ZBTB49: variants seen among roughly 807,000 people sequenced by gnomAD.
The protein encoded by ZBTB49 is zinc finger and BTB domain-containing protein 49.
ZBTB49 carries 43 observed loss-of-function variants against 57.5 expected under a neutral mutation model. The ratio of observed to expected loss-of-function variants is 0.75; its 90% CI spans 0.59 to 0.97. The LOEUF (loss-of-function observed/expected upper bound fraction) is 0.97, where lower values mean the gene tolerates loss of function less well. Among genes scored for constraint, ZBTB49 ranks in the 50% least tolerant of loss-of-function variants. The pLI is 0.00. For synonymous variants in ZBTB49, 369 were observed against 362.1 expected (o/e 1.02, Z -0.22); for missense variants, 938 against 947.7 (o/e 0.99, Z 0.13).
At chr4:4,299,023 G>A (rs1720348617) in intron 1 of ZBTB49, among the ~76,000 whole-genome samples, 1 of 152,214 alleles carries the variant, frequency 6.6e-6, no homozygotes, top group Non-Finnish European at 1.5e-5. Context: ...GGAGAACAGA[G>A]GCTGAAGGTT....
chr4:4,314,334 C>A (rs1228981598), intron 5 of ZBTB49, among the ~76,000 whole-genome samples: 1 of 152,228 alleles, frequency 6.6e-6, no homozygotes, highest in Non-Finnish European at 1.5e-5. Flanking sequence ...TCTGAACTTT[C>A]TGAATTCCAT....
intron 5 of ZBTB49, among the ~76,000 whole-genome samples, chr4:4,315,204 C>T (rs1413132426): frequency 2.0e-5 from 3 of 152,350 alleles, no homozygotes; most frequent in East Asian, 3.9e-4. Flanking sequence ...AGGTCATCCT[C>T]CTTGGGTTGG....
Position 4,294,597 on chromosome 4 carries a change from C to T in ZBTB49, c.-20+4245C>T, listed in dbSNP as rs558763742. Among the ~76,000 whole-genome samples, 16 of 152,200 alleles carry T rather than the reference C, an allele frequency of 1.1e-4. 1 individual carries two copies. In the South Asian group the frequency reaches 2.1e-3, roughly 20 times the overall value. On this transcript the variant is annotated intron_variant, in intron 1 of 7. Transcript: ENST00000337872. ...CTCGAACTCGTAGCCTTAGGTGATC[C>T]GCCTGCCTCGGCCTCCCAAAGTGGT... is the stretch of plus-strand genomic sequence containing the variant.
Position 4,320,689 on chromosome 4 carries a change from C to A in ZBTB49, c.1671C>A (p.His557Gln), listed in dbSNP as rs1277498221. Residue 557 changes from histidine (H) to glutamine (Q), a missense_variant, in exon 8 of 8, where the codon CAC (histidine) becomes CAA (glutamine). This residue lies in a region of ZBTB49 where 835 missense variants were observed against 819.1 expected (regional missense o/e 1.02). Transcript: ENST00000337872. ...SGDLRRHVRTHTGEKPYTCEI... is the reference protein window; with the variant it reads ...SGDLRRHVRTQTGEKPYTCEI... ...ACCTCCGCAGGCATGTCCGCACTCA[C>A]ACTGGGGAGAAGCCGTACACATGTG... is the stretch of plus-strand genomic sequence containing the variant. 6.2e-7 allele frequency: 1 copy of A among 1,614,212 alleles called. No individual in the cohort carries two copies. The highest frequency in any genetic ancestry group is 8.5e-7 in the Non-Finnish European group (1 of 1,180,038).
At position 4,302,975 on chromosome 4, in the gene ZBTB49, C is replaced by T; in HGVS notation, c.1139C>T (p.Ala380Val). The change falls in exon 3 of 8, where the codon GCT (alanine) becomes GTT (valine). Residue 380 changes from alanine (A) to valine (V), a missense_variant. Ala to Val is a moderately conservative substitution (Grantham distance 64, BLOSUM62 0). Around this residue, in one of 3 missense-constraint regions of ZBTB49, gnomAD observed 835 missense variants for 819.1 expected, o/e 1.02. Transcript: ENST00000337872. ...ISETERPEDP[A>V]ALEDQSQTLQ... ...GAGACGGAGAGGCCTGAAGACCCGG[C>T]TGCCCTGGAAGACCAGTCCCAGACA... 1.2e-6 allele frequency: 2 copies of T among 1,614,230 alleles called. No individual in the cohort carries two copies. The highest frequency in any genetic ancestry group is 1.7e-6 in the Non-Finnish European group (2 of 1,180,040).
intron 1 of ZBTB49, among the ~76,000 whole-genome samples, chr4:4,292,275 C>T (rs973037656): frequency 3.3e-5 from 5 of 152,084 alleles, no homozygotes; most frequent in Admixed American, 6.6e-5. Flanking sequence ...AGCAAGACTG[C>T]GTCTCGGAAA....
chr4:4,319,827 G>A (rs1721334954), intron 7 of ZBTB49, among the ~76,000 whole-genome samples: 1 of 147,452 alleles, frequency 6.8e-6, no homozygotes, highest in Non-Finnish European at 1.5e-5. Context: ...GGAGGCTGAG[G>A]TGGGCAGATC....
intron 4 of ZBTB49, among the ~76,000 whole-genome samples, chr4:4,307,353 A>T (rs1042363901): frequency 6.6e-6 from 1 of 152,198 alleles, no homozygotes; most frequent in African/African-American, 2.4e-5. Flanking sequence ...TCTTCCTGCC[A>T]GCCTGGCCTG....
Position 4,321,466 on chromosome 4 carries a change from C to A in ZBTB49, c.*150C>A. ...CCTGATGATGGCTCATAATCTGAAG[C>A]ATCTTGAGCTGGGGGTGTGAGGGGG... is the stretch of plus-strand genomic sequence containing the variant. On this transcript the variant is annotated 3_prime_UTR_variant, in exon 8 of 8. Transcript: ENST00000337872. 1 of 870,844 alleles carries A rather than the reference C, an allele frequency of 1.1e-6. No individual in the cohort carries two copies. Among genetic ancestry groups the A allele is most frequent in the Non-Finnish European group, 1.7e-6 (1 of 579,052 alleles). 53.9% of individuals were successfully genotyped at this position (870,844 alleles called of 1,614,324 possible).
chr4:4,309,498 G>A (rs1390302439), intron 4 of ZBTB49, among the ~76,000 whole-genome samples: 1 of 152,228 alleles, frequency 6.6e-6, no homozygotes, highest in Non-Finnish European at 1.5e-5. Flanking sequence ...AGAAAATGCG[G>A]CGTAATTACC....
intron 4 of ZBTB49, 112 bp from the exon 5 acceptor site, chr4:4,312,928 TG>T: frequency 8.4e-7 from 1 of 1,192,092 alleles, no homozygotes. Flanking sequence ...CATCTTCATC[TG>T]GAATTTGAAT....
intron 1 of ZBTB49, among the ~76,000 whole-genome samples, chr4:4,298,175 G>A (rs1023195210): frequency 6.6e-6 from 1 of 152,192 alleles, no homozygotes; most frequent in Non-Finnish European, 1.5e-5. Flanking sequence ...AAGTCATATA[G>A]CCAGTGAGTG....
chr4:4,319,829 G>A (rs1239257974), intron 7 of ZBTB49, among the ~76,000 whole-genome samples: 1 of 147,678 alleles, frequency 6.8e-6, no homozygotes, highest in African/African-American at 2.5e-5. Flanking sequence ...AGGCTGAGGT[G>A]GGCAGATCAC....
chr4:4,319,551 T>C (rs1439246358), intron 7 of ZBTB49, among the ~76,000 whole-genome samples: 1 of 152,256 alleles, frequency 6.6e-6, no homozygotes, highest in Non-Finnish European at 1.5e-5. Flanking sequence ...CCAGGCGCCA[T>C]GGCTCATGCC....
intron 1 of ZBTB49, among the ~76,000 whole-genome samples, chr4:4,293,390 A>T (rs1406469721): frequency 2.0e-5 from 3 of 152,258 alleles, no homozygotes; most frequent in African/African-American, 7.2e-5. Flanking sequence ...AATCAGGCAT[A>T]GGCAGTAGAC....
chr4:4,303,760 C>CTCTCTCTCTCTCTGTGTGTG lies in ZBTB49; in HGVS notation c.1255+670_1255+671insCTCTCTCTCTCTGTGTGTGT, dbSNP rs1223289249. 3.0e-3 allele frequency among the ~76,000 whole-genome samples: 363 copies of CTCTCTCTCTCTCTGTGTGTG among 121,372 alleles called. 2 individuals carry two copies. Among genetic ancestry groups the CTCTCTCTCTCTCTGTGTGTG allele is most frequent in the Non-Finnish European group, 4.8e-3 (285 of 58,814 alleles). The allele number at this position is 121,372 out of a possible 152,430, so 79.6% of individuals were successfully genotyped here. A position where few individuals can be genotyped will look rare whatever the true frequency, so the allele number is the denominator to read the frequency against. On this transcript the variant is annotated intron_variant, in intron 3 of 7. Coordinates refer to ENST00000337872, the MANE Select transcript of ZBTB49 (RefSeq NM_145291.4). Reference sequence around the variant, plus strand: ...TCTCTCTCTCTCTCTCTCTCTCTCTCTGTGTGTGTGTCTCTCTCTCTCTCT... The same window carrying CTCTCTCTCTCTCTGTGTGTG: ...TCTCTCTCTCTCTCTCTCTCTCTCTCTCTCTCTCTCTCTGTGTGTGTGTGTGTGTGTCTCTCTCTCTCTCT...
At chr4:4,305,628 C>T (rs1261810622) in intron 3 of ZBTB49, among the ~76,000 whole-genome samples, 3 of 152,192 alleles carry the variant, frequency 2.0e-5, no homozygotes, top group African/African-American at 4.8e-5. Context: ...TACTTTCTCT[C>T]GTGAGAACCA....
At chr4:4,291,954 C>T (rs1560102345) in intron 1 of ZBTB49, among the ~76,000 whole-genome samples, 1 of 152,122 alleles carries the variant, frequency 6.6e-6, no homozygotes, top group East Asian at 1.9e-4. Context: ...CATGGTGAAA[C>T]CCTGTAAACC....
Position 4,315,712 on chromosome 4 carries a change from G to A in ZBTB49, c.1453G>A (p.Gly485Ser), listed in dbSNP as rs1448606343. Residue 485 changes from glycine (G) to serine (S), a missense_variant, in exon 6 of 8, where the codon GGT becomes AGT. Gly to Ser is a moderately conservative substitution (Grantham distance 56). Transcript: ENST00000337872. Reference sequence around the variant, plus strand: ...AAAACCACACTTGTGTGACATCTGTGGTCGAGGTACAGCTGAGTGTTTTCC... The same window carrying A: ...AAAACCACACTTGTGTGACATCTGTAGTCGAGGTACAGCTGAGTGTTTTCC... Reference protein sequence around the residue: ...GEKPHLCDICGRGFSNFSNLK... With the variant: ...GEKPHLCDICSRGFSNFSNLK... The A allele has an allele frequency of 6.2e-7, 1 of 1,613,880 alleles. No homozygotes were observed. The highest frequency in any genetic ancestry group is 1.3e-5 in the African/African-American group (1 of 74,820).
Sources: gnomAD v4.1 joint callset for allele counts (sites outside exome capture counted in the v4.1 genomes callset) on GRCh38, gnomAD v4.1.1 for gene constraint, gnomAD v4.1.1 regional missense constraint, MANE v1.5 for transcripts, NCBI Gene and HGNC (gene_info 2026-07-23, HGNC 2026-07-21) for gene names.